Variants in CDC42BPA observed in about 807,000 individuals in gnomAD.
CDC42BPA encodes CDC42 binding protein kinase alpha, also known as serine/threonine-protein kinase MRCK alpha.
CDC42BPA carries 80 observed loss-of-function variants against 223.5 expected under a neutral mutation model. That is an observed-to-expected ratio of 0.36 (90% confidence interval 0.30 to 0.43). The LOEUF is 0.43. CDC42BPA is among the 20% of genes least tolerant of loss of function. The pLI is 1.00. For missense variants in CDC42BPA, 1,743 were observed against 2,099.9 expected (o/e 0.83, Z 3.32); for synonymous variants, 694 against 718.6 (o/e 0.97, Z 0.55).
intron 5 of CDC42BPA, among the ~76,000 whole-genome samples, chr1:227,186,590 C>T (rs1668809315): frequency 6.6e-6 from 1 of 152,156 alleles, no homozygotes; most frequent in Non-Finnish European, 1.5e-5. Flanking sequence ...CAAAGCCTCA[C>T]TAAAGATTGG....
rs547266073 is a variant in CDC42BPA at position 227,001,890 on chromosome 1, G to C, written c.4975+3104C>G. On this transcript the variant is annotated intron_variant, in intron 35 of 36. Transcript: ENST00000366766. ...CCACTGCACTCGAGCTTGGCCAACA[G>C]AGTGAGACTCTGTCTCAAAAAAAAC... Among the ~76,000 whole-genome samples, 10 of 151,498 alleles carry C rather than the reference G, an allele frequency of 6.6e-5. No homozygotes were observed. The East Asian group carries it at 2.0e-3, about 30-fold the overall frequency.
intron 3 of CDC42BPA, among the ~76,000 whole-genome samples, chr1:227,200,246 C>G (rs1671486998): frequency 6.6e-6 from 1 of 152,062 alleles, no homozygotes; most frequent in African/African-American, 2.4e-5. Flanking sequence ...GCCTGGGCAA[C>G]ATGGTGAAAA....
intron 5 of CDC42BPA, among the ~76,000 whole-genome samples, chr1:227,164,160 GGCCACCCTATCCATAT>G (rs1337558906): frequency 2.0e-5 from 3 of 151,968 alleles, no homozygotes; most frequent in African/African-American, 7.3e-5. Context: ...CAAGATGAAT[GGCCACCCTATCCATAT>G]GCCTCTACCT....
intron 1 of CDC42BPA, among the ~76,000 whole-genome samples, chr1:227,266,756 G>A (rs1378672060): frequency 1.3e-5 from 2 of 152,102 alleles, no homozygotes; most frequent in Non-Finnish European, 2.9e-5. Context: ...TTTATGTTTT[G>A]CATACCAACT....
chr1:227,081,460 T>C (rs1680643451), intron 16 of CDC42BPA, among the ~76,000 whole-genome samples: 1 of 151,592 alleles, frequency 6.6e-6, no homozygotes, highest in South Asian at 2.1e-4. Context: ...CTCTCTCTTT[T>C]TTTTTTTTTC....
At chr1:227,132,549 CCACCCCGTCTGGGA>C (rs1657390153) in intron 10 of CDC42BPA, among the ~76,000 whole-genome samples, 1 of 143,084 alleles carries the variant, frequency 7.0e-6, no homozygotes, top group African/African-American at 2.7e-5. Context: ...TGCCTGGCTG[CCACCCCGTCTGGGA>C]AGTGAGGAGC....
intron 16 of CDC42BPA, among the ~76,000 whole-genome samples, chr1:227,090,844 G>C (rs6426564): frequency 0.28 from 43,015 of 151,844 alleles, 6,272 homozygotes; most frequent in African/African-American, 0.35. Context: ...GTTAATATTA[G>C]GATTTTTACA....
intron 2 of CDC42BPA, among the ~76,000 whole-genome samples, chr1:227,238,059 A>T (rs1679393152): frequency 6.8e-6 from 1 of 146,990 alleles, no homozygotes; most frequent in African/African-American, 2.5e-5. Flanking sequence ...AAAAAAAAAA[A>T]GTTTTATTTC....
intron 23 of CDC42BPA, among the ~76,000 whole-genome samples, chr1:227,046,601 C>T (rs1377227779): frequency 6.6e-6 from 1 of 152,128 alleles, no homozygotes; most frequent in Non-Finnish European, 1.5e-5. Flanking sequence ...GTTTTCAGAA[C>T]TGGTATAACA....
At chr1:227,105,957 T>C (rs1685850823) in intron 14 of CDC42BPA, among the ~76,000 whole-genome samples, 1 of 152,196 alleles carries the variant, frequency 6.6e-6, no homozygotes, top group Non-Finnish European at 1.5e-5. Context: ...GGTATATACC[T>C]AGGAGTGGAA....
chr1:227,210,120 G>A (rs147884674), intron 3 of CDC42BPA, among the ~76,000 whole-genome samples: 2,937 of 152,210 alleles, frequency 0.019, 40 homozygotes, highest in Middle Eastern at 0.041. Flanking sequence ...CCAGTCTATC[G>A]TTGTTGGACA....
intron 17 of CDC42BPA, 147 bp downstream of exon 17, chr1:227,080,746 A>G: frequency 2.4e-6 from 2 of 838,720 alleles, no homozygotes; most frequent in Non-Finnish European, 3.9e-6. Flanking sequence ...ACAACAGATC[A>G]GTAATAAAAC....
At position 227,090,882 on chromosome 1, in the gene CDC42BPA, A is replaced by G. The variant is rs563934165; in HGVS notation, c.2355+1004T>C. ...TGCTTGCTAGGAATTAGCACAAGAA[A>G]TGCAGAATGGTGGGAAGTTGGGAAA... On this transcript the variant is annotated intron_variant, in intron 16 of 36. Coordinates refer to ENST00000366766, the MANE Select transcript of CDC42BPA (RefSeq NM_001394014.1). 1.5e-4 allele frequency among the ~76,000 whole-genome samples: 23 copies of G among 152,354 alleles called. No individual in the cohort carries two copies. In the South Asian group the frequency reaches 4.3e-3, roughly 29 times the overall value.
chr1:227,168,499 T>TTTTTTTTTTTGTTTTTTGTG (rs1258094504), intron 5 of CDC42BPA, among the ~76,000 whole-genome samples: 9 of 47,908 alleles, frequency 1.9e-4, no homozygotes, highest in African/African-American at 7.9e-4. Flanking sequence ...TCCCTGGTGT[T>TTTTTTTTTTTGTTTTTTGTG]TTTTTTTTTT....
At chr1:227,151,999 G>C (rs1005720145) in intron 6 of CDC42BPA, among the ~76,000 whole-genome samples, 3 of 151,780 alleles carry the variant, frequency 2.0e-5, no homozygotes, top group African/African-American at 4.8e-5. Flanking sequence ...CACCAGCCTA[G>C]GCGACAGAGC....
At chr1:227,186,274 T>C (rs1373807454) in intron 5 of CDC42BPA, among the ~76,000 whole-genome samples, 7 of 152,194 alleles carry the variant, frequency 4.6e-5, no homozygotes, top group Non-Finnish European at 8.8e-5. Flanking sequence ...CATACCCTCA[T>C]GCTTCCAACA....
chr1:227,072,346 G>A, intron 19 of CDC42BPA, 47 bp from the exon 20 acceptor site: 1 of 1,127,158 alleles, frequency 8.9e-7, no homozygotes, highest in Non-Finnish European at 1.3e-6. Context: ...TTTTATTGCT[G>A]GTTAGTGAGC....
chr1:227,222,802 G>A (rs992804283), intron 2 of CDC42BPA, among the ~76,000 whole-genome samples: 11 of 152,162 alleles, frequency 7.2e-5, no homozygotes, highest in Admixed American at 3.9e-4. Context: ...AGGTTCCCGC[G>A]GATACATGTT....
At chr1:227,199,791 G>A (rs530594323) in intron 3 of CDC42BPA, 139 bp from the exon 4 acceptor site, 4 of 449,636 alleles carry the variant, frequency 8.9e-6, no homozygotes, top group African/African-American at 8.1e-5. Flanking sequence ...AATAACACAA[G>A]TTTCAAACCA....
Sources: gnomAD v4.1 joint callset for allele counts (sites outside exome capture counted in the v4.1 genomes callset) on GRCh38, gnomAD v4.1.1 for gene constraint, MANE v1.5 for transcripts, NCBI Gene and HGNC (gene_info 2026-07-23, HGNC 2026-07-21) for gene names.